AGBL1: variants seen among roughly 807,000 people sequenced by gnomAD.
The protein encoded by AGBL1 is AGBL carboxypeptidase 1.
AGBL1 carries 130 observed loss-of-function variants against 118.9 expected under a neutral mutation model. The observed-to-expected ratio is 1.09, with a 90% CI of 0.95 to 1.26. The LOEUF (loss-of-function observed/expected upper bound fraction) is 1.26. Ranked by LOEUF, AGBL1 falls within the 50% of genes most tolerant of loss-of-function variation. The pLI is 0.00. For synonymous variants in AGBL1, 555 were observed against 478.9 expected (o/e 1.16, Z -2.08); for missense variants, 1,584 against 1,298.1 (o/e 1.22, Z -3.38).
Position 86,129,053 on chromosome 15 carries a change from A to T in AGBL1, c.52-12951A>T, listed in dbSNP as rs141403828. ...GAAAATCTTAGTCTTTATCGCCTGGAATGTGGTGGATGCTTTCTTTCAATA... is the reference window on the plus strand; with the variant it reads ...GAAAATCTTAGTCTTTATCGCCTGGTATGTGGTGGATGCTTTCTTTCAATA... On this transcript the variant is annotated intron_variant, in intron 1 of 22. Coordinates refer to ENST00000614907, the MANE Select transcript of AGBL1 (RefSeq NM_001386094.1). Among the ~76,000 whole-genome samples the T allele has an allele frequency of 7.1e-3, 1,079 of 152,308 alleles. 6 individuals are homozygous for T. The highest frequency in any genetic ancestry group is 0.011 in the Non-Finnish European group (762 of 68,024).
chr15:86,491,491 G>T (rs369097021), intron 18 of AGBL1, among the ~76,000 whole-genome samples: 1 of 152,088 alleles, frequency 6.6e-6, no homozygotes, highest in African/African-American at 2.4e-5. Flanking sequence ...CAATTACAGT[G>T]CACTTTTGAT....
At chr15:86,937,502 A>G (rs2080690871) in intron 23 of AGBL1, among the ~76,000 whole-genome samples, 1 of 152,234 alleles carries the variant, frequency 6.6e-6, no homozygotes, top group Admixed American at 6.5e-5. Context: ...TTGCAGGAAC[A>G]TGGATGGAGC....
chr15:86,423,237 C>T (rs556182116), intron 18 of AGBL1, among the ~76,000 whole-genome samples: 11 of 152,314 alleles, frequency 7.2e-5, no homozygotes, highest in Admixed American at 6.5e-4. Flanking sequence ...GCTTATCCAC[C>T]ACGATAAAGT....
At chr15:86,356,025 ATG>A (rs1231624540) in intron 17 of AGBL1, among the ~76,000 whole-genome samples, 4 of 152,178 alleles carry the variant, frequency 2.6e-5, no homozygotes, top group African/African-American at 9.7e-5. Flanking sequence ...GTTGGGCAGT[ATG>A]TGTGCACTCC....
rs138753001 is a variant in AGBL1, at chr15:86,163,871, C to G, written c.488+4845C>G. 1.4e-3 allele frequency among the ~76,000 whole-genome samples: 208 copies of G among 152,354 alleles called. 2 individuals are homozygous for G. The highest frequency in any genetic ancestry group is 4.8e-3 in the African/African-American group (198 of 41,580). Reference sequence around the variant, plus strand: ...TATGCTAGGCACTTCATATTTGTTACCTTTTTTCCCCCTGATACCAGGCTG... The same window carrying G: ...TATGCTAGGCACTTCATATTTGTTAGCTTTTTTCCCCCTGATACCAGGCTG... On this transcript the variant is annotated intron_variant, in intron 5 of 22. Coordinates refer to ENST00000614907, the MANE Select transcript of AGBL1 (RefSeq NM_001386094.1).
chr15:86,285,408 TG>T (rs2079426200), intron 16 of AGBL1, among the ~76,000 whole-genome samples: 1 of 152,090 alleles, frequency 6.6e-6, no homozygotes, highest in Non-Finnish European at 1.5e-5. Context: ...TTACGTGTCG[TG>T]GGAATTAATT....
intron 1 of AGBL1, chr15:86,116,537 G>T (rs1897769192): frequency 6.6e-6 from 1 of 152,200 alleles, no homozygotes; most frequent in African/African-American, 2.4e-5. Context: ...CTAATCTGTT[G>T]TGGGCCCGAA....
intron 22 of AGBL1, among the ~76,000 whole-genome samples, chr15:86,729,098 C>T (rs1195158134): frequency 3.9e-5 from 6 of 152,272 alleles, no homozygotes; most frequent in African/African-American, 1.4e-4. Flanking sequence ...TCTCCTAGGC[C>T]TGTAACCAAT....
In AGBL1 at chr15:86,110,808, A is replaced by G. The variant is rs189725748; in HGVS notation, c.51+30785A>G. 3.5e-4 allele frequency among the ~76,000 whole-genome samples: 53 copies of G among 152,336 alleles called. 1 individual carries two copies. Among genetic ancestry groups the G allele is most frequent in the Admixed American group, 3.1e-3 (47 of 15,310 alleles). On this transcript the variant is annotated intron_variant, in intron 1 of 22. Transcript: ENST00000614907. ...TGAACAGTTTCTGAACGAGCCTAGC[A>G]GTGTCAGGGCAGATGGGGAAGAGCC...
chr15:86,663,265 T>A (rs1455343638), intron 21 of AGBL1, among the ~76,000 whole-genome samples: 1 of 152,218 alleles, frequency 6.6e-6, no homozygotes, highest in East Asian at 1.9e-4. Flanking sequence ...CTCAGCTCCA[T>A]TGCTGTGGCC....
chr15:86,978,465 A>G (rs947075489), intron 23 of AGBL1, among the ~76,000 whole-genome samples: 1 of 152,240 alleles, frequency 6.6e-6, no homozygotes, highest in Non-Finnish European at 1.5e-5. Context: ...TGAGCTGCAG[A>G]GCCTGACTTA....
chr15:87,025,862 C>A (rs1432421293), intron 24 of AGBL1, among the ~76,000 whole-genome samples: 1 of 151,776 alleles, frequency 6.6e-6, no homozygotes, highest in Non-Finnish European at 1.5e-5. Flanking sequence ...CAAATACTTA[C>A]AACTAACTGA....
intron 17 of AGBL1, among the ~76,000 whole-genome samples, chr15:86,307,754 T>C (rs2079862385): frequency 6.6e-6 from 1 of 152,060 alleles, no homozygotes; most frequent in Admixed American, 6.6e-5. Flanking sequence ...AATTAGGTCT[T>C]CTCTAATCAG....
At chr15:86,572,647 G>A (rs1396849477) in intron 21 of AGBL1, among the ~76,000 whole-genome samples, 1 of 152,198 alleles carries the variant, frequency 6.6e-6, no homozygotes, top group Non-Finnish European at 1.5e-5. Context: ...GCCCAGTCAC[G>A]CAATGTTGGG....
intron 23 of AGBL1, among the ~76,000 whole-genome samples, chr15:86,958,743 T>C (rs767907902): frequency 9.9e-5 from 15 of 152,176 alleles, no homozygotes; most frequent in African/African-American, 1.7e-4. Context: ...TCAGAAGATA[T>C]TCATTTTGGC....
intron 21 of AGBL1, among the ~76,000 whole-genome samples, chr15:86,643,135 G>T (rs1022805781): frequency 1.3e-5 from 2 of 152,056 alleles, no homozygotes; most frequent in African/African-American, 4.8e-5. Flanking sequence ...GTAGTACGTT[G>T]TTCATAAAGA....
chr15:86,501,765 G>A (rs1221997045), intron 18 of AGBL1, among the ~76,000 whole-genome samples: 1 of 151,430 alleles, frequency 6.6e-6, no homozygotes, highest in Non-Finnish European at 1.5e-5. Flanking sequence ...AATAATATAT[G>A]GGTTTATTTC....
At chr15:86,106,333 T>G (rs1172184742) in intron 1 of AGBL1, among the ~76,000 whole-genome samples, 1 of 152,236 alleles carries the variant, frequency 6.6e-6, no homozygotes, top group Non-Finnish European at 1.5e-5. Context: ...AAAGCAATTT[T>G]CATGCATGAT....
intron 1 of AGBL1, among the ~76,000 whole-genome samples, chr15:86,112,154 A>G (rs1202761252): frequency 6.6e-6 from 1 of 151,970 alleles, no homozygotes; most frequent in Non-Finnish European, 1.5e-5. Flanking sequence ...AATAAAGTAC[A>G]CAATAAATGT....
Sources: allele counts gnomAD v4.1 joint callset (sites outside exome capture counted in the v4.1 genomes callset), GRCh38; gene constraint gnomAD v4.1.1; transcripts MANE v1.5; gene names NCBI Gene and HGNC (gene_info 2026-07-23, HGNC 2026-07-21).